CREB3L2: variants seen among roughly 807,000 people sequenced by gnomAD.
CREB3L2 encodes cAMP responsive element binding protein 3 like 2, also known as cyclic AMP-responsive element-binding protein 3-like protein 2.
In CREB3L2, 23 loss-of-function variants were observed where a neutral mutation model predicts 57.2. The observed-to-expected ratio is 0.40, with a 90% CI of 0.29 to 0.57. The LOEUF (loss-of-function observed/expected upper bound fraction) is 0.57. Among genes scored for constraint, CREB3L2 ranks in the 20% least tolerant of loss-of-function variants. CREB3L2 has a pLI of 0.42. For missense variants in CREB3L2, 628 were observed against 634.7 expected, an observed-to-expected ratio of 0.99 and a Z score of 0.11; for synonymous variants, 268 against 265.1, an observed-to-expected ratio of 1.01 and a Z score of -0.11.
chr7:138,000,436 C>G (rs1802055219), intron 1 of CREB3L2, among the ~76,000 whole-genome samples: 1 of 152,240 alleles, frequency 6.6e-6, no homozygotes, highest in African/African-American at 2.4e-5. Context: ...ACCACTCCCT[C>G]TCAGCCCTGC....
intron 1 of CREB3L2, among the ~76,000 whole-genome samples, chr7:137,928,753 A>T (rs1432054877): frequency 6.6e-6 from 1 of 152,134 alleles, no homozygotes; most frequent in East Asian, 1.9e-4. Context: ...CATGAGGGAG[A>T]AAAACCAAAG....
chr7:137,999,542 C>G (rs1001415838), intron 1 of CREB3L2: 2 of 152,118 alleles, frequency 1.3e-5, no homozygotes, highest in African/African-American at 4.8e-5. Flanking sequence ...AATGAATAAT[C>G]AGGCCATCCT....
At chr7:137,934,865 T>C (rs1800747476) in intron 1 of CREB3L2, among the ~76,000 whole-genome samples, 1 of 152,224 alleles carries the variant, frequency 6.6e-6, no homozygotes. Flanking sequence ...ACAACATAAA[T>C]GTTCTTCACC....
At chr7:137,946,782 T>TTA (rs1800987521) in intron 1 of CREB3L2, among the ~76,000 whole-genome samples, 1 of 100,238 alleles carries the variant, frequency 1.0e-5, no homozygotes. Flanking sequence ...ATCTATATAG[T>TTA]TATCTATATA....
Position 137,889,939 on chromosome 7 carries a change from C to G in CREB3L2, c.1044-4437G>C, listed in dbSNP as rs148891220. 2.9e-3 allele frequency among the ~76,000 whole-genome samples: 441 copies of G among 152,320 alleles called. 1 individual carries two copies. Among genetic ancestry groups the G allele is most frequent in the Non-Finnish European group, 4.4e-3 (297 of 68,028 alleles). On this transcript the variant is annotated intron_variant, in intron 8 of 11. Coordinates refer to ENST00000330387, the MANE Select transcript of CREB3L2 (RefSeq NM_194071.4). ...ACCTAAGATGTAAACCAAAACCTAT[C>G]TGACCCCATAGCTTGTGTACATTCC...
chr7:137,944,201 A>T (rs1320849727), intron 1 of CREB3L2, among the ~76,000 whole-genome samples: 1 of 152,202 alleles, frequency 6.6e-6, no homozygotes, highest in African/African-American at 2.4e-5. Flanking sequence ...TGCCACCGGG[A>T]GCCCATTTAG....
intron 1 of CREB3L2, among the ~76,000 whole-genome samples, chr7:137,995,527 G>T (rs546146885): frequency 5.2e-4 from 79 of 151,906 alleles, no homozygotes; most frequent in Non-Finnish European, 5.6e-4. Flanking sequence ...TAGAGACAGG[G>T]TTTCACCATC....
Position 137,880,317 on chromosome 7 carries a change from A to C in CREB3L2, c.*159T>G. The C allele has an allele frequency of 1.6e-6, 1 of 639,866 alleles. No homozygotes were observed. Among genetic ancestry groups the C allele is most frequent in the Non-Finnish European group, 2.9e-6 (1 of 349,676 alleles). 39.6% of individuals were successfully genotyped at this position (639,866 alleles called of 1,614,324 possible). A position where few individuals can be genotyped will look rare whatever the true frequency, so the allele number is the denominator to read the frequency against. On this transcript the variant is annotated 3_prime_UTR_variant, in exon 12 of 12. Transcript: ENST00000330387. This position sits in a 1 kb window ranked among gnomAD's most constrained non-coding sequence, Gnocchi z 4.0. The stretch of plus-strand genomic sequence containing the variant: ...ATGGACCAGGGGGAGATGCTCTCTC[A>C]CTGCAGGGAAGTCCCAGGCTGGTCT...
chr7:137,926,719 G>A (rs969030895), intron 2 of CREB3L2, among the ~76,000 whole-genome samples: 2 of 152,180 alleles, frequency 1.3e-5, no homozygotes, highest in Non-Finnish European at 2.9e-5. Context: ...AGAAGGTCAA[G>A]TTAGTGAGTA....
intron 1 of CREB3L2, among the ~76,000 whole-genome samples, chr7:137,929,943 G>A (rs550129341): frequency 6.6e-6 from 1 of 150,994 alleles, no homozygotes; most frequent in Non-Finnish European, 1.5e-5. Context: ...TGTCGCCCAG[G>A]CTGGAGTGCA....
chr7:137,995,299 C>G (rs1801969254), intron 1 of CREB3L2, among the ~76,000 whole-genome samples: 1 of 147,914 alleles, frequency 6.8e-6, no homozygotes, highest in Non-Finnish European at 1.5e-5. Context: ...AATCAGCCAA[C>G]AAGGAGCTCT....
intron 1 of CREB3L2, among the ~76,000 whole-genome samples, chr7:137,967,371 C>A (rs1490313962): frequency 6.6e-6 from 1 of 152,156 alleles, no homozygotes; most frequent in East Asian, 1.9e-4. Flanking sequence ...CATTATCTAC[C>A]TAGAGACAAT....
At chr7:137,888,252 C>G (rs916258443) in intron 8 of CREB3L2, among the ~76,000 whole-genome samples, 3 of 152,252 alleles carry the variant, frequency 2.0e-5, no homozygotes, top group Non-Finnish European at 2.9e-5. Context: ...GCATGAGCCA[C>G]TTGCACCCAG....
intron 10 of CREB3L2, among the ~76,000 whole-genome samples, chr7:137,883,241 A>G (rs1563236916): frequency 6.6e-6 from 1 of 152,348 alleles, no homozygotes; most frequent in East Asian, 1.9e-4. Context: ...AGGCCACTGA[A>G]ATTATTTAAT....
intron 1 of CREB3L2, among the ~76,000 whole-genome samples, chr7:137,942,633 G>C (rs1306589776): frequency 6.6e-6 from 1 of 152,160 alleles, no homozygotes; most frequent in Non-Finnish European, 1.5e-5. Flanking sequence ...ACCATAAATA[G>C]AATCTAGTGA....
chr7:137,894,895 A>C (rs1585599358), intron 8 of CREB3L2, among the ~76,000 whole-genome samples: 1 of 152,322 alleles, frequency 6.6e-6, no homozygotes, highest in South Asian at 2.1e-4. Flanking sequence ...TAAGTGACCA[A>C]GTTCTCGTCC....
chr7:137,899,468 C>T (rs976574854), intron 8 of CREB3L2, among the ~76,000 whole-genome samples: 2 of 152,238 alleles, frequency 1.3e-5, no homozygotes, highest in African/African-American at 4.8e-5. Context: ...GTGCCGGGAA[C>T]GCCTATCGGC....
At chr7:137,959,758 G>T (rs571350716) in intron 1 of CREB3L2, among the ~76,000 whole-genome samples, 1 of 152,170 alleles carries the variant, frequency 6.6e-6, no homozygotes, top group Non-Finnish European at 1.5e-5. Flanking sequence ...TATAATAACC[G>T]AATTAAATTA....
At chr7:137,926,279 C>T (rs528512370) in intron 2 of CREB3L2, among the ~76,000 whole-genome samples, 6 of 152,224 alleles carry the variant, frequency 3.9e-5, no homozygotes, top group African/African-American at 9.6e-5. Context: ...GACACATGCA[C>T]GCGTATGTTT....
Sources: allele counts gnomAD v4.1 joint callset (sites outside exome capture counted in the v4.1 genomes callset), GRCh38; gene constraint gnomAD v4.1.1; non-coding constraint Gnocchi (gnomAD v3.1); transcripts MANE v1.5; gene names NCBI Gene and HGNC (gene_info 2026-07-23, HGNC 2026-07-21).